DDO: variants seen among roughly 807,000 people sequenced by gnomAD.
The protein encoded by DDO is D-aspartate oxidase, DDO.
DDO carries 16 observed loss-of-function variants against 16.8 expected under a neutral mutation model. That is an observed-to-expected ratio of 0.95 (90% CI 0.65 to 1.45). The LOEUF is 1.45. Ranked by LOEUF, DDO falls within the 40% of genes most tolerant of loss-of-function variation. The pLI is 0.00. For missense variants in DDO, 429 were observed against 420.3 expected, an observed-to-expected ratio of 1.02 and a Z score of -0.18; for synonymous variants, 180 against 167.2, an observed-to-expected ratio of 1.08 and a Z score of -0.59.
rs372976771 is a variant in DDO at position 110,404,788 on chromosome 6, C to T, written c.444G>A (p.Pro148=). 41 of 1,613,934 alleles carry T rather than the reference C, an allele frequency of 2.5e-5. No homozygotes were observed. The highest frequency in any genetic ancestry group is 1.6e-4 in the South Asian group (15 of 91,068). Residue 148 remains proline, a synonymous_variant, in exon 4 of 5, where the codon CCG becomes CCA. Transcript: ENST00000368924. ...TLKCECPAYL[P]WLEKRIKGSG... ...TTTCAACTGACCTTTTCTCCAACCA[C>T]GGGAGGTAGGCAGGGCATTCACATT...
At chr6:110,412,106 C>T (rs1027553223) in intron 2 of DDO, among the ~76,000 whole-genome samples, 3 of 151,986 alleles carry the variant, frequency 2.0e-5, no homozygotes, top group Non-Finnish European at 2.9e-5. Context: ...ATTAGCCGGG[C>T]GTGGTGGCTC....
intron 4 of DDO, among the ~76,000 whole-genome samples, chr6:110,402,304 ATT>A (rs1773509239): frequency 6.6e-6 from 1 of 152,224 alleles, no homozygotes; most frequent in South Asian, 2.1e-4. Flanking sequence ...ATATAATGAT[ATT>A]GATTTTATTA....
intron 4 of DDO, among the ~76,000 whole-genome samples, chr6:110,400,025 T>C (rs369712579): frequency 6.6e-6 from 1 of 152,302 alleles, no homozygotes; most frequent in East Asian, 1.9e-4. Context: ...CTCCGGCCGA[T>C]GGCGTTGCCG....
rs190658202 is a variant in DDO at position 110,413,565 on chromosome 6, C to T, written c.-4-99G>A. ...AGTTTTTTCCTTAGGTCTTCAGCCA[C>T]TCAGAATAAGACTTAGCCTATTGGT... On this transcript the variant is annotated intron_variant, in intron 1 of 4. Transcript: ENST00000368924. 25 of 1,247,030 alleles carry T rather than the reference C, an allele frequency of 2.0e-5. No individual in the cohort carries two copies. The East Asian group carries it at 4.0e-4, about 20-fold the overall frequency. The allele number at this position is 1,247,030 out of a possible 1,614,324, so 77.2% of individuals were successfully genotyped here.
chr6:110,410,481 T>C (rs1209438207), intron 2 of DDO, among the ~76,000 whole-genome samples: 2 of 152,216 alleles, frequency 1.3e-5, no homozygotes, highest in Admixed American at 6.5e-5. Context: ...CAGGGTAATT[T>C]ATAAAGGAAA....
downstream of DDO, among the ~76,000 whole-genome samples, chr6:110,391,171 A>C (rs1773091604): frequency 6.6e-6 from 1 of 152,224 alleles, no homozygotes; most frequent in Non-Finnish European, 1.5e-5. Context: ...AAACAAAATC[A>C]TATGCAAGTT....
At chr6:110,410,415 A>G (rs1773814824) in intron 2 of DDO, among the ~76,000 whole-genome samples, 1 of 152,248 alleles carries the variant, frequency 6.6e-6, no homozygotes. Context: ...AAAAGCACTT[A>G]GTGTAAGCTG....
intron 4 of DDO, among the ~76,000 whole-genome samples, chr6:110,400,343 C>CGGGGGGGGGGG (rs554097882): frequency 1.6e-5 from 2 of 126,438 alleles, no homozygotes; most frequent in Admixed American, 8.1e-5. Flanking sequence ...AGGAGCGGGC[C>CGGGGGGGGGGG]GGGGCGGGGA....
chr6:110,413,270 A>T, intron 2 of DDO, 21 bp downstream of exon 2: 3 of 1,612,144 alleles, frequency 1.9e-6, no homozygotes, highest in South Asian at 2.2e-5. Context: ...TGTATCTGAT[A>T]GAGGAGCTGA....
rs751668367 is a variant in DDO, at chr6:110,393,110, C to T, written c.691G>A (p.Val231Ile). ...LTYIYPGTSH[V>I]TLGGTRQKGD... ...TTTTGCCTAGTTCCACCTAGGGTTA[C>T]ATGGGATGTACCAGGATAAATATAT... Residue 231 changes from valine (V) to isoleucine (I), a missense_variant, in exon 5 of 5, where the codon GTA becomes ATA. By Grantham distance (29) the Val-to-Ile change is conservative. Coordinates refer to ENST00000368924, the MANE Select transcript of DDO (RefSeq NM_001372108.2). The T allele has an allele frequency of 1.9e-6, 3 of 1,613,918 alleles. No individual in the cohort carries two copies. Among genetic ancestry groups the T allele is most frequent in the Non-Finnish European group, 2.5e-6 (3 of 1,179,780 alleles).
Position 110,407,150 on chromosome 6 carries a change from A to G in DDO, c.281+1184T>C, listed in dbSNP as rs564363934. ...ATGAGTAAGGCTATATACTTACGCC[A>G]AAGATGCACAGGGGATTTTAATTCT... On this transcript the variant is annotated intron_variant, in intron 3 of 4. Coordinates refer to ENST00000368924, the MANE Select transcript of DDO (RefSeq NM_001372108.2). Among the ~76,000 whole-genome samples, 26 of 152,366 alleles carry G rather than the reference A, an allele frequency of 1.7e-4. 1 individual carries two copies. In the South Asian group the frequency reaches 4.8e-3, roughly 28 times the overall value.
At chr6:110,404,663 G>T (rs1011440116) in intron 4 of DDO, 111 bp downstream of exon 4, 2 of 1,221,482 alleles carry the variant, frequency 1.6e-6, no homozygotes, top group African/African-American at 1.5e-5. Context: ...AAGGCAACGC[G>T]AAAGAGCTCT....
At chr6:110,389,038 A>T (rs2207358), downstream of DDO, among the ~76,000 whole-genome samples, 1,232 of 152,352 alleles carry the variant, frequency 8.1e-3, 19 homozygotes, top group African/African-American at 0.029. Context: ...TGTATATATG[A>T]GGATATCTTT....
chr6:110,396,619 A>G (rs553157666), intron 4 of DDO, among the ~76,000 whole-genome samples: 7 of 152,386 alleles, frequency 4.6e-5, no homozygotes, highest in Admixed American at 1.3e-4. Context: ...CAGAGAACCA[A>G]TAAAGCCAAT....
intron 3 of DDO, 114 bp downstream of exon 3, chr6:110,408,220 C>T (rs1202615482): frequency 8.8e-6 from 8 of 907,440 alleles, no homozygotes; most frequent in Non-Finnish European, 1.4e-5. Flanking sequence ...AATCCTCCTG[C>T]ATCTAAGTCA....
At position 110,413,368 on chromosome 6, in the gene DDO, G is replaced by A; in HGVS notation, c.95C>T (p.Thr32Ile). 1 of 1,614,110 alleles carries A rather than the reference G, an allele frequency of 6.2e-7. No homozygotes were observed. The highest frequency in any genetic ancestry group is 8.5e-7 in the Non-Finnish European group (1 of 1,180,022). ...ISKLVPRCSV[T>I]IISDKFTPDT... ...TGGAGTAAACTTGTCTGAAATGATGGTAACGGAGCATCGGGGCACCAGTTT... is the reference window on the plus strand; with the variant it reads ...TGGAGTAAACTTGTCTGAAATGATGATAACGGAGCATCGGGGCACCAGTTT... Residue 32 changes from threonine (T) to isoleucine (I), a missense_variant, in exon 2 of 5, where the codon ACC becomes ATC. Transcript: ENST00000368924.
chr6:110,409,859 C>T (rs749103071), intron 2 of DDO, among the ~76,000 whole-genome samples: 41 of 152,212 alleles, frequency 2.7e-4, no homozygotes, highest in Admixed American at 9.2e-4. Flanking sequence ...GATTCACATG[C>T]TGCAGAAGTC....
chr6:110,396,194 CT>C (rs1773286132), intron 4 of DDO, among the ~76,000 whole-genome samples: 1 of 152,240 alleles, frequency 6.6e-6, no homozygotes, highest in African/African-American at 2.4e-5. Flanking sequence ...TTGCAGTTCT[CT>C]GCATCTGACT....
chr6:110,400,902 T>A lies in DDO; in HGVS notation c.458+3872A>T, dbSNP rs375925590. ...TGCTTTCTTCTTGAGGCAGTGAGTGTGTGGGGCTCGGGCATGTGCCCAGCC... is the reference window on the plus strand; with the variant it reads ...TGCTTTCTTCTTGAGGCAGTGAGTGAGTGGGGCTCGGGCATGTGCCCAGCC... On this transcript the variant is annotated intron_variant, in intron 4 of 4. Coordinates refer to ENST00000368924, the MANE Select transcript of DDO (RefSeq NM_001372108.2). 9.7e-4 allele frequency among the ~76,000 whole-genome samples: 148 copies of A among 152,344 alleles called. 1 individual carries two copies. Among genetic ancestry groups the A allele is most frequent in the African/African-American group, 3.5e-3 (145 of 41,594 alleles).
Sources: gnomAD v4.1 joint callset for allele counts (sites outside exome capture counted in the v4.1 genomes callset) on GRCh38, gnomAD v4.1.1 for gene constraint, MANE v1.5 for transcripts, NCBI Gene and HGNC (gene_info 2026-07-23, HGNC 2026-07-21) for gene names.